ZNF331: variants seen among roughly 807,000 people sequenced by gnomAD.
ZNF331 encodes the protein C2H2-like zinc finger protein rearranged in thyroid adenomas.
ZNF331 carries 2 observed loss-of-function variants against 7.0 expected under a neutral mutation model. The observed-to-expected ratio is 0.29, with a 90% CI of 0.12 to 0.90. The LOEUF (loss-of-function observed/expected upper bound fraction) is 0.90, where lower values mean the gene tolerates loss of function less well. Among genes scored for constraint, ZNF331 ranks in the 40% least tolerant of loss-of-function variants. ZNF331 has a pLI of 0.58. For synonymous variants in ZNF331, 196 were observed against 205.4 expected (o/e 0.95, Z 0.39); for missense variants, 432 against 587.7 (o/e 0.74, Z 2.74).
intron 2 of ZNF331, among the ~76,000 whole-genome samples, chr19:53,526,794 C>T (rs1444657789): frequency 2.6e-5 from 4 of 151,240 alleles, no homozygotes; most frequent in South Asian, 2.1e-4. Flanking sequence ...CCTCGTGATC[C>T]GCCCACCTCG....
At chr19:53,540,599 AT>A (rs1390295130) in intron 2 of ZNF331, among the ~76,000 whole-genome samples, 1 of 151,884 alleles carries the variant, frequency 6.6e-6, no homozygotes, top group Non-Finnish European at 1.5e-5. Context: ...TCCGCAGCTA[AT>A]TTTTGTATTT....
chr19:53,562,560 A>C (rs1377444425), intron 3 of ZNF331, among the ~76,000 whole-genome samples: 1 of 150,036 alleles, frequency 6.7e-6, no homozygotes, highest in African/African-American at 2.5e-5. Context: ...CATGGTGGCA[A>C]GCGCCTATAA....
At chr19:53,509,702 C>T in the ZNF331 span, among the ~76,000 whole-genome samples, 1 of 152,178 alleles carries the variant, frequency 6.6e-6, no homozygotes, top group Non-Finnish European at 1.5e-5. Flanking sequence ...GGCTGATCTG[C>T]AGAGCAATGC....
chr19:53,570,864 T>C (rs1280179079), intron 4 of ZNF331, among the ~76,000 whole-genome samples: 1 of 142,718 alleles, frequency 7.0e-6, no homozygotes, highest in Non-Finnish European at 1.5e-5. Context: ...TTTTCTTTTC[T>C]TTTTTTTTTT....
At chr19:53,535,749 C>G, upstream of ZNF331, among the ~76,000 whole-genome samples, 1 of 151,350 alleles carries the variant, frequency 6.6e-6, no homozygotes, top group East Asian at 1.9e-4. Context: ...TTGACTGTAA[C>G]ATTTCAAAGG....
At position 53,577,504 on chromosome 19, in the gene ZNF331, C is replaced by G; in HGVS notation, c.944C>G (p.Thr315Ser). The part of the protein sequence containing the change: ...GKAFTRVNYL[T>S]QHQKIHTGEK... ...GCCTTTACTCGAGTCAATTACCTTA[C>G]TCAGCATCAGAAGATCCACACCGGT... The change falls in exon 6 of 6, where the codon ACT becomes AGT. Residue 315 changes from threonine to serine, a missense_variant. Around this residue, in one of 3 missense-constraint regions of ZNF331, gnomAD observed 312 missense variants for 448.6 expected, o/e 0.70. Coordinates refer to ENST00000449416, the MANE Select transcript of ZNF331 (RefSeq NM_001079906.2). 1 of 1,612,770 alleles carries G rather than the reference C, an allele frequency of 6.2e-7. No individual in the cohort carries two copies. Among genetic ancestry groups the G allele is most frequent in the Non-Finnish European group, 8.5e-7 (1 of 1,178,998 alleles).
intron 3 of ZNF331, among the ~76,000 whole-genome samples, chr19:53,556,234 C>A: frequency 9.3e-6 from 1 of 107,242 alleles, no homozygotes; most frequent in South Asian, 3.1e-4. Flanking sequence ...CACAGCGAGA[C>A]TCCATCTCAA....
At chr19:53,556,556 C>T (rs2089443399) in intron 3 of ZNF331, among the ~76,000 whole-genome samples, 2 of 151,370 alleles carry the variant, frequency 1.3e-5, no homozygotes, top group Admixed American at 1.3e-4. Context: ...ATCTCATGAG[C>T]TCAAGCTTTC....
At chr19:53,550,510 G>A (rs1240589572) in intron 2 of ZNF331, among the ~76,000 whole-genome samples, 1 of 103,870 alleles carries the variant, frequency 9.6e-6, no homozygotes, top group African/African-American at 3.4e-5. Context: ...TACAGTTTTT[G>A]ATTTAAAGTC....
chr19:53,520,541 A>AT (rs1171181813), upstream of ZNF331, among the ~76,000 whole-genome samples: 1 of 152,182 alleles, frequency 6.6e-6, no homozygotes, highest in Non-Finnish European at 1.5e-5. Context: ...GCATTTGAAG[A>AT]TTCTGCCAGT....
rs141019736 is a variant in ZNF331 at position 53,574,734 on chromosome 19, T to A, written c.137-1963T>A. Among the ~76,000 whole-genome samples, 762 of 152,324 alleles carry A rather than the reference T, an allele frequency of 5.0e-3. 6 individuals are homozygous for A. Among genetic ancestry groups the A allele is most frequent in the Non-Finnish European group, 8.7e-3 (591 of 68,036 alleles). ...GCTCCTCTTTGCCATTGGCAGTCAT[T>A]GGCACTGCTTACATTCATCACACTG... is the stretch of plus-strand genomic sequence containing the variant. On this transcript the variant is annotated intron_variant, in intron 5 of 5. Coordinates refer to ENST00000449416, the MANE Select transcript of ZNF331 (RefSeq NM_001079906.2).
At chr19:53,554,363 C>A (rs1430875553) in intron 2 of ZNF331, among the ~76,000 whole-genome samples, 1 of 152,120 alleles carries the variant, frequency 6.6e-6, no homozygotes, top group Non-Finnish European at 1.5e-5. Flanking sequence ...TCTGTGTGCG[C>A]GTACACGTGC....
At position 53,563,163 on chromosome 19, in the gene ZNF331, C is replaced by T. The variant is rs180988747; in HGVS notation, c.-73-6141C>T. Reference sequence around the variant, plus strand: ...AGTGCAAGGGCGTGATCTCAGCTCACTGCAATCTCCGCCTCCCGGGTTCAA... The same window carrying T: ...AGTGCAAGGGCGTGATCTCAGCTCATTGCAATCTCCGCCTCCCGGGTTCAA... On this transcript the variant is annotated intron_variant, in intron 3 of 5. Coordinates refer to ENST00000449416, the MANE Select transcript of ZNF331 (RefSeq NM_001079906.2). Among the ~76,000 whole-genome samples, 341 of 145,724 alleles carry T rather than the reference C, an allele frequency of 2.3e-3. 1 individual carries two copies. Among genetic ancestry groups the T allele is most frequent in the African/African-American group, 8.2e-3 (327 of 39,686 alleles).
upstream of ZNF331, among the ~76,000 whole-genome samples, chr19:53,534,706 G>A (rs1347014471): frequency 1.3e-5 from 2 of 151,964 alleles, no homozygotes; most frequent in Non-Finnish European, 2.9e-5. Flanking sequence ...TACTTTTAAG[G>A]AACTTTGTAA....
Position 53,577,128 on chromosome 19 carries a change from A to C in ZNF331, c.568A>C (p.Lys190Gln), listed in dbSNP as rs1339378811. 1 of 1,614,232 alleles carries C rather than the reference A, an allele frequency of 6.2e-7. No homozygotes were observed. The highest frequency in any genetic ancestry group is 8.5e-7 in the Non-Finnish European group (1 of 1,180,046). ...IHTGEKPYEC[K>Q]DCGKAFRWGS... ...TACTGGGGAGAAGCCCTACGAATGT[A>C]AAGACTGTGGGAAGGCTTTTCGATG... Residue 190 changes from lysine to glutamine, a missense_variant, in exon 6 of 6, where the codon AAA becomes CAA. Around this residue, in one of 3 missense-constraint regions of ZNF331, gnomAD observed 312 missense variants for 448.6 expected, o/e 0.70. Coordinates refer to ENST00000449416, the MANE Select transcript of ZNF331 (RefSeq NM_001079906.2).
chr19:53,578,075 T>G lies in ZNF331; in HGVS notation c.*123T>G. On this transcript the variant is annotated 3_prime_UTR_variant, in exon 6 of 6. Coordinates refer to ENST00000449416, the MANE Select transcript of ZNF331 (RefSeq NM_001079906.2). ...AATTCCAGAAATAAAGAATTTTAAG[T>G]CTCAAATGGTGTGCCCTTCTGAGTA... 1 of 1,245,476 alleles carries G rather than the reference T, an allele frequency of 8.0e-7. No individual in the cohort carries two copies. Among genetic ancestry groups the G allele is most frequent in the Non-Finnish European group, 1.1e-6 (1 of 924,062 alleles). The allele number at this position is 1,245,476 out of a possible 1,614,324, so 77.2% of individuals were successfully genotyped here.
chr19:53,556,135 C>T (rs1008236926), intron 3 of ZNF331, among the ~76,000 whole-genome samples: 21 of 149,300 alleles, frequency 1.4e-4, no homozygotes, highest in African/African-American at 4.4e-4. Context: ...CCCAGCTACT[C>T]GGGAGGCTGA....
At chr19:53,572,097 CAT>C (rs1245098271) in intron 5 of ZNF331, among the ~76,000 whole-genome samples, 2 of 152,140 alleles carry the variant, frequency 1.3e-5, no homozygotes, top group African/African-American at 4.8e-5. Flanking sequence ...CTAGGGAAAA[CAT>C]GTGGACACAG....
At chr19:53,505,848 G>C in the ZNF331 span, among the ~76,000 whole-genome samples, 1 of 151,706 alleles carries the variant, frequency 6.6e-6, no homozygotes, top group Non-Finnish European at 1.5e-5. Flanking sequence ...AGCTGGGCGT[G>C]GTGGTGGGCA....
Sources: allele counts gnomAD v4.1 joint callset (sites outside exome capture counted in the v4.1 genomes callset), GRCh38; gene constraint gnomAD v4.1.1; regional missense constraint gnomAD v4.1.1; transcripts MANE v1.5; gene names NCBI Gene and HGNC (gene_info 2026-07-23, HGNC 2026-07-21).